The following ARHGAP15 variants were observed in gnomAD, a reference collection of about 807,000 sequenced individuals.
The protein encoded by ARHGAP15 is rho GTPase-activating protein 15.
Under a neutral mutation model 63.7 loss-of-function variants are expected in ARHGAP15, and 51 were observed. The ratio of observed to expected loss-of-function variants is 0.80; its 90% CI spans 0.64 to 1.01. ARHGAP15 has a LOEUF of 1.01. ARHGAP15 is among the 50% of genes least tolerant of loss of function. The pLI is 0.00. For synonymous variants in ARHGAP15, 191 were observed against 193.8 expected (o/e 0.99, Z 0.12); for missense variants, 560 against 564.6 (o/e 0.99, Z 0.08).
chr2:143,502,334 G>A (rs1303011632), intron 9 of ARHGAP15, among the ~76,000 whole-genome samples: 1 of 151,838 alleles, frequency 6.6e-6, no homozygotes, highest in Non-Finnish European at 1.5e-5. Context: ...ACTTGAGCCT[G>A]GGAGGCAGAG....
At chr2:143,314,726 G>A (rs903279707) in intron 6 of ARHGAP15, 5 of 152,110 alleles carry the variant, frequency 3.3e-5, no homozygotes, top group Admixed American at 2.0e-4. Context: ...AGATGATAAT[G>A]GAAAATATTT....
In ARHGAP15 at chr2:143,461,281, C is replaced by CAAAAA. The variant is rs70982868; in HGVS notation, c.703+24260_703+24264dup. Reference sequence around the variant, plus strand: ...GGCTACAGAATGAGACTCTGTCTCTCAAAAAAAAAAAAAAAAAAAAAAAAA... The same window carrying CAAAAA: ...GGCTACAGAATGAGACTCTGTCTCTCAAAAAAAAAAAAAAAAAAAAAAAAAAAAAA... On this transcript the variant is annotated intron_variant, in intron 8 of 13. Coordinates refer to ENST00000295095, the MANE Select transcript of ARHGAP15 (RefSeq NM_018460.4). Among the ~76,000 whole-genome samples the CAAAAA allele has an allele frequency of 4.4e-3, 243 of 55,020 alleles. 28 individuals are homozygous for CAAAAA. Among genetic ancestry groups the CAAAAA allele is most frequent in the East Asian group, 0.018 (28 of 1,578 alleles). The allele number at this position is 55,020 out of a possible 152,430, so 36.1% of individuals were successfully genotyped here.
chr2:143,166,041 A>AAAGAAAGAAAG (rs1558787901), intron 2 of ARHGAP15, among the ~76,000 whole-genome samples: 61 of 96,014 alleles, frequency 6.4e-4, no homozygotes, highest in African/African-American at 2.2e-3. Context: ...CAAAGGAAGA[A>AAAGAAAGAAAG]AAAGAAAGAA....
At chr2:143,614,494 C>A (rs1340100855) in intron 11 of ARHGAP15, among the ~76,000 whole-genome samples, 1 of 151,834 alleles carries the variant, frequency 6.6e-6, no homozygotes, top group East Asian at 1.9e-4. Flanking sequence ...GAATGATAAA[C>A]AAAGAGAATA....
At chr2:143,737,957 C>A (rs944734015) in intron 13 of ARHGAP15, among the ~76,000 whole-genome samples, 3 of 152,026 alleles carry the variant, frequency 2.0e-5, no homozygotes, top group Non-Finnish European at 2.9e-5. Flanking sequence ...GGGGTTTCAC[C>A]ATGCCGGTCA....
At chr2:143,513,592 G>A (rs1040553078) in intron 9 of ARHGAP15, among the ~76,000 whole-genome samples, 4 of 152,030 alleles carry the variant, frequency 2.6e-5, no homozygotes, top group Admixed American at 1.3e-4. Flanking sequence ...TTTTCTTAAG[G>A]TCACTCATAT....
chr2:143,585,342 T>C (rs1018780097), intron 11 of ARHGAP15, among the ~76,000 whole-genome samples: 1 of 152,116 alleles, frequency 6.6e-6, no homozygotes, highest in Non-Finnish European at 1.5e-5. Context: ...ATTTAAATAA[T>C]ACAAAAATAT....
At chr2:143,464,373 A>G (rs966033105) in intron 8 of ARHGAP15, among the ~76,000 whole-genome samples, 7 of 152,188 alleles carry the variant, frequency 4.6e-5, no homozygotes, top group African/African-American at 1.7e-4. Flanking sequence ...ATATAATCTT[A>G]TGGAAAACAG....
rs560512657 is a variant in ARHGAP15, at chr2:143,572,897, C to A, written c.1003+16412C>A. Among the ~76,000 whole-genome samples the A allele has an allele frequency of 9.9e-5, 15 of 152,196 alleles. 1 individual carries two copies. In the South Asian group the frequency reaches 2.3e-3, roughly 23 times the overall value. ...GCCATATTGAGAACCATGCAAAGCA[C>A]TTTAAAAGTGGTAAAAGATACTAGC... On this transcript the variant is annotated intron_variant, in intron 11 of 13. Transcript: ENST00000295095.
At chr2:143,394,045 C>T (rs767958175) in intron 6 of ARHGAP15, among the ~76,000 whole-genome samples, 4 of 152,144 alleles carry the variant, frequency 2.6e-5, no homozygotes, top group Non-Finnish European at 5.9e-5. Context: ...AAACTCCACC[C>T]TTTTCTAAAG....
At chr2:143,302,183 T>TG (rs1682937438) in intron 6 of ARHGAP15, among the ~76,000 whole-genome samples, 4 of 151,966 alleles carry the variant, frequency 2.6e-5, no homozygotes, top group Non-Finnish European at 5.9e-5. Context: ...ATCAGATGTC[T>TG]ATAGATTGCA....
rs368479705 is a variant in ARHGAP15, at chr2:143,723,691, A to T, written c.1244+20167A>T. On this transcript the variant is annotated intron_variant, in intron 13 of 13. Coordinates refer to ENST00000295095, the MANE Select transcript of ARHGAP15 (RefSeq NM_018460.4). ...ATCACACATCGGTCAACTTAACAAA[A>T]ACCATCCTTGCCCTCATGCAGGTTA... Among the ~76,000 whole-genome samples the T allele has an allele frequency of 8.3e-4, 127 of 152,302 alleles. 4 individuals are homozygous for T. The South Asian group carries it at 0.025, about 29-fold the overall frequency.
At chr2:143,739,240 G>T (rs1685870028) in intron 13 of ARHGAP15, among the ~76,000 whole-genome samples, 1 of 152,102 alleles carries the variant, frequency 6.6e-6, no homozygotes. Flanking sequence ...AGAAGAAGAT[G>T]ATAGCAAAAA....
At chr2:143,381,769 GTT>G (rs1271484269) in intron 6 of ARHGAP15, among the ~76,000 whole-genome samples, 1 of 151,978 alleles carries the variant, frequency 6.6e-6, no homozygotes, top group Non-Finnish European at 1.5e-5. Flanking sequence ...ACCTCACAAA[GTT>G]TTTCTAACCC....
At chr2:143,178,930 C>A (rs1398401067) in intron 2 of ARHGAP15, among the ~76,000 whole-genome samples, 1 of 152,192 alleles carries the variant, frequency 6.6e-6, no homozygotes, top group Non-Finnish European at 1.5e-5. Flanking sequence ...AATTTATTTT[C>A]TTTGGCTATG....
chr2:143,756,543 G>T (rs1686583389), intron 13 of ARHGAP15, among the ~76,000 whole-genome samples: 1 of 151,996 alleles, frequency 6.6e-6, no homozygotes, highest in Admixed American at 6.6e-5. Flanking sequence ...GGTTATTGGT[G>T]TATCAGCAGA....
intron 10 of ARHGAP15, among the ~76,000 whole-genome samples, chr2:143,531,922 G>A (rs184023211): frequency 2.5e-4 from 38 of 152,280 alleles, no homozygotes; most frequent in Non-Finnish European, 1.5e-5. Flanking sequence ...TATAAATCCA[G>A]TGACTTTACT....
At chr2:143,139,141 T>G (rs1463450503) in intron 1 of ARHGAP15, among the ~76,000 whole-genome samples, 2 of 152,124 alleles carry the variant, frequency 1.3e-5, no homozygotes, top group Admixed American at 6.6e-5. Flanking sequence ...CACTTGATAC[T>G]TCCTCTATGA....
chr2:143,556,311 G>T, intron 10 of ARHGAP15, 97 bp from the exon 11 acceptor site: 1 of 921,400 alleles, frequency 1.1e-6, no homozygotes, highest in Non-Finnish European at 1.6e-6. Flanking sequence ...TATCTGAGAA[G>T]AATAGATATT....
Sources: allele counts gnomAD v4.1 joint callset (sites outside exome capture counted in the v4.1 genomes callset), GRCh38; gene constraint gnomAD v4.1.1; transcripts MANE v1.5; gene names NCBI Gene and HGNC (gene_info 2026-07-23, HGNC 2026-07-21).